The following TAF4B variants were observed in gnomAD, a reference collection of about 807,000 sequenced individuals.
TAF4B encodes TATA-box binding protein associated factor 4b.
In TAF4B, 38 loss-of-function variants were observed where a neutral mutation model predicts 86.4. The observed-to-expected ratio is 0.44, with a 90% CI of 0.34 to 0.58. The LOEUF is 0.58. Among genes scored for constraint, TAF4B ranks in the 20% least tolerant of loss-of-function variants. The probability of loss-of-function intolerance (pLI) is 0.02; values close to 1 mark genes in which losing one functional copy is unlikely to be tolerated. For synonymous variants in TAF4B, 388 were observed against 391.2 expected (o/e 0.99, Z 0.10); for missense variants, 988 against 1,027.6 (o/e 0.96, Z 0.53).
At chr18:26,349,276 C>T (rs988001169) in intron 13 of TAF4B, among the ~76,000 whole-genome samples, 1 of 151,956 alleles carries the variant, frequency 6.6e-6, no homozygotes, top group Non-Finnish European at 1.5e-5. Flanking sequence ...TTTCCCCTTC[C>T]GAAAGTCCCC....
chr18:26,307,563 ATATT>A (rs2056807548), intron 9 of TAF4B, among the ~76,000 whole-genome samples: 1 of 152,014 alleles, frequency 6.6e-6, no homozygotes, highest in South Asian at 2.1e-4. Context: ...ACATAATAAA[ATATT>A]TATGGATAAT....
intron 10 of TAF4B, among the ~76,000 whole-genome samples, chr18:26,319,077 C>A (rs2056937623): frequency 6.6e-6 from 1 of 152,116 alleles, no homozygotes; most frequent in South Asian, 2.1e-4. Flanking sequence ...GCCTGTACTT[C>A]TAGCTACTCA....
rs1356309692 is a variant in TAF4B at position 26,389,831 on chromosome 18, TTTA to T, written c.2422-8_2422-6del. 6.3e-7 allele frequency: 1 copy of T among 1,597,896 alleles called. No homozygotes were observed. Among genetic ancestry groups the T allele is most frequent in the African/African-American group, 1.4e-5 (1 of 73,730 alleles). Reference sequence around the variant, plus strand: ...ATTTTTATTTCAAATTGCTTTTCCTTTTATTATTTTTAGGGCTTAAAAGACAAC... The same window carrying T: ...ATTTTTATTTCAAATTGCTTTTCCTTTTATTTTTAGGGCTTAAAAGACAAC... On this transcript the variant is annotated splice_polypyrimidine_tract_variant and intron_variant, in intron 14 of 14. Transcript: ENST00000269142.
chr18:26,331,615 G>C (rs547127522), intron 12 of TAF4B, among the ~76,000 whole-genome samples: 1 of 152,196 alleles, frequency 6.6e-6, no homozygotes, highest in South Asian at 2.1e-4. Context: ...CATCTTCCCA[G>C]ATGTTCAAGC....
intron 14 of TAF4B, among the ~76,000 whole-genome samples, chr18:26,387,626 T>TTG (rs1978450902): frequency 6.6e-6 from 1 of 152,142 alleles, no homozygotes; most frequent in Non-Finnish European, 1.5e-5. Context: ...CTTGTACAAA[T>TTG]TGCATTCATT....
intron 10 of TAF4B, among the ~76,000 whole-genome samples, chr18:26,317,272 C>T (rs1218686815): frequency 6.6e-6 from 1 of 152,110 alleles, no homozygotes; most frequent in Admixed American, 6.6e-5. Flanking sequence ...GTCAAGTCAT[C>T]CACCCGCCTT....
At chr18:26,283,428 C>CT (rs201370746) in intron 6 of TAF4B, among the ~76,000 whole-genome samples, 6,906 of 146,610 alleles carry the variant, frequency 0.047, 198 homozygotes, top group Non-Finnish European at 0.063. Flanking sequence ...TGAAAATAAT[C>CT]TTTTTTTTTT....
intron 13 of TAF4B, among the ~76,000 whole-genome samples, chr18:26,338,050 C>T (rs2057106898): frequency 6.6e-6 from 1 of 152,142 alleles, no homozygotes; most frequent in African/African-American, 2.4e-5. Context: ...TTTATTTATG[C>T]TGAGAAATGT....
At chr18:26,237,518 G>C (rs942534240) in intron 1 of TAF4B, among the ~76,000 whole-genome samples, 2 of 152,024 alleles carry the variant, frequency 1.3e-5, no homozygotes, top group Admixed American at 1.3e-4. Flanking sequence ...GAGATTTCTT[G>C]CTTGTTTCCT....
chr18:26,274,624 A>G (rs775459430), intron 3 of TAF4B, 39 bp from the exon 4 acceptor site: 2 of 1,607,372 alleles, frequency 1.2e-6, no homozygotes, highest in East Asian at 2.2e-5. Flanking sequence ...AATGTATCAT[A>G]GTAATACATG....
At chr18:26,291,389 C>G (rs984845180) in intron 7 of TAF4B, among the ~76,000 whole-genome samples, 3 of 151,756 alleles carry the variant, frequency 2.0e-5, no homozygotes, top group African/African-American at 7.3e-5. Flanking sequence ...TACTTTAGAC[C>G]GGGCGTGGTG....
In TAF4B at chr18:26,236,777, A is replaced by G. The variant is rs149528485; in HGVS notation, c.343+9501A>G. On this transcript the variant is annotated intron_variant, in intron 1 of 14. Transcript: ENST00000269142. ...TTTCGTCCTGTTCCTCTCGGTCCCT[A>G]TTATAGAACACTGAGGTTGCCAGGT... Among the ~76,000 whole-genome samples the G allele has an allele frequency of 7.9e-3, 1,202 of 151,936 alleles. 14 individuals carry two copies. The highest frequency in any genetic ancestry group is 0.027 in the African/African-American group (1,138 of 41,422).
At chr18:26,312,996 C>T (rs1471236596) in intron 9 of TAF4B, among the ~76,000 whole-genome samples, 1 of 152,166 alleles carries the variant, frequency 6.6e-6, no homozygotes, top group East Asian at 1.9e-4. Flanking sequence ...AGCCTTCTTC[C>T]TATCCCTGGT....
chr18:26,330,651 A>G (rs531082016), intron 12 of TAF4B, among the ~76,000 whole-genome samples: 1 of 152,286 alleles, frequency 6.6e-6, no homozygotes, highest in South Asian at 2.1e-4. Flanking sequence ...ACAAATGTCC[A>G]TCTGTAACTA....
At chr18:26,304,936 T>C in intron 9 of TAF4B, 3 of 917,562 alleles carry the variant, frequency 3.3e-6, no homozygotes, top group Non-Finnish European at 3.9e-6. Context: ...TACTTATTGC[T>C]TTCCAGACTT....
At chr18:26,230,591 A>G (rs1457286318) in intron 1 of TAF4B, among the ~76,000 whole-genome samples, 1 of 152,226 alleles carries the variant, frequency 6.6e-6, no homozygotes, top group African/African-American at 2.4e-5. Context: ...GTCAGCCCAC[A>G]GGAGAAAGTG....
At chr18:26,379,303 CTG>C (rs1184852172) in intron 14 of TAF4B, among the ~76,000 whole-genome samples, 1 of 152,034 alleles carries the variant, frequency 6.6e-6, no homozygotes, top group Non-Finnish European at 1.5e-5. Flanking sequence ...AAGATTTACC[CTG>C]TGTTTTCCTA....
intron 9 of TAF4B, chr18:26,295,057 T>G (rs1273368539): frequency 6.5e-6 from 1 of 153,106 alleles, no homozygotes; most frequent in Non-Finnish European, 1.4e-5. Flanking sequence ...GGCAAACATT[T>G]GGATCTTAAA....
At chr18:26,275,146 A>AT in intron 5 of TAF4B, 93 bp downstream of exon 5, 1 of 1,245,298 alleles carries the variant, frequency 8.0e-7, no homozygotes, top group Non-Finnish European at 1.1e-6. Flanking sequence ...GATTTATTTA[A>AT]TTTATTTATT....
Sources: allele counts gnomAD v4.1 joint callset (sites outside exome capture counted in the v4.1 genomes callset), GRCh38; gene constraint gnomAD v4.1.1; transcripts MANE v1.5; gene names NCBI Gene and HGNC (gene_info 2026-07-23, HGNC 2026-07-21).